Variants in ADCY10 observed in about 807,000 individuals in gnomAD.
ADCY10 encodes adenylate cyclase 10.
In ADCY10, 156 loss-of-function variants were observed where a neutral mutation model predicts 183.3. The ratio of observed to expected loss-of-function variants is 0.85; its 90% CI spans 0.75 to 0.97. The LOEUF (loss-of-function observed/expected upper bound fraction) is 0.97, where lower values mean the gene tolerates loss of function less well. Ranked by LOEUF, ADCY10 falls within the 50% of genes least tolerant of loss-of-function variation. The pLI is 0.00. For missense variants in ADCY10, 1,745 were observed against 1,934.3 expected (o/e 0.90, Z 1.84); for synonymous variants, 645 against 670.0 (o/e 0.96, Z 0.58).
At chr1:167,904,384 T>TCAGCTTTTAAAAACAGGCAGAGGC in intron 2 of ADCY10, among the ~76,000 whole-genome samples, 1 of 152,036 alleles carries the variant, frequency 6.6e-6, no homozygotes, top group East Asian at 1.9e-4. Context: ...CCGAACCCGG[T>TCAGCTTTTAAAAACAGGCAGAGGC]GGCCTCAGCT....
chr1:167,849,760 T>G (rs1665326516), intron 18 of ADCY10, among the ~76,000 whole-genome samples: 1 of 152,128 alleles, frequency 6.6e-6, no homozygotes, highest in Non-Finnish European at 1.5e-5. Flanking sequence ...TCAGACTTGG[T>G]GGATTCAGAA....
chr1:167,819,519 G>A (rs185801459), intron 30 of ADCY10, among the ~76,000 whole-genome samples: 1,722 of 151,848 alleles, frequency 0.011, 24 homozygotes, highest in Non-Finnish European at 0.012. Flanking sequence ...GATTACAGGC[G>A]TGAGCCACTG....
chr1:167,898,671 G>A (rs1669178193), intron 6 of ADCY10, among the ~76,000 whole-genome samples: 1 of 152,098 alleles, frequency 6.6e-6, no homozygotes, highest in South Asian at 2.1e-4. Context: ...GGCCATGCAG[G>A]CTGGATATGT....
At chr1:167,825,763 T>C (rs1313212389) in intron 26 of ADCY10, among the ~76,000 whole-genome samples, 2 of 152,206 alleles carry the variant, frequency 1.3e-5, no homozygotes, top group East Asian at 3.8e-4. Context: ...CACTCCAGCC[T>C]GGGTGACTGA....
At chr1:167,901,839 T>C (rs1204409773) in intron 4 of ADCY10, 34 bp from the exon 5 acceptor site, 33 of 1,614,194 alleles carry the variant, frequency 2.0e-5, no homozygotes, top group Non-Finnish European at 2.8e-5. Flanking sequence ...GCTTTTGACC[T>C]GCCCTGGGGA....
chr1:167,911,213 AAAAGT>A (rs1388740289), intron 1 of ADCY10, among the ~76,000 whole-genome samples: 1 of 152,242 alleles, frequency 6.6e-6, no homozygotes, highest in Non-Finnish European at 1.5e-5. Context: ...TAGAGGTATA[AAAAGT>A]AAAGTAGAGG....
chr1:167,820,435 C>A, intron 30 of ADCY10: 1 of 509,434 alleles, frequency 2.0e-6, no homozygotes. Flanking sequence ...ATTTTTATGC[C>A]CACTAAAGTC....
intron 8 of ADCY10, among the ~76,000 whole-genome samples, chr1:167,884,572 C>T (rs1230103830): frequency 1.3e-5 from 2 of 152,016 alleles, no homozygotes; most frequent in Non-Finnish European, 2.9e-5. Context: ...CTAGGTCTTT[C>T]TCATTCTTTC....
At chr1:167,909,933 ACTG>A (rs1670045003) in intron 1 of ADCY10, among the ~76,000 whole-genome samples, 2 of 148,090 alleles carry the variant, frequency 1.4e-5, no homozygotes, top group Non-Finnish European at 3.0e-5. Context: ...AGCCGGCGCC[ACTG>A]ATGACCAGGT....
chr1:167,904,040 C>G (rs1215198852), intron 2 of ADCY10, 49 bp from the exon 3 acceptor site: 2 of 1,223,256 alleles, frequency 1.6e-6, no homozygotes, highest in Non-Finnish European at 2.4e-6. Flanking sequence ...GGGAATCAAA[C>G]AGAGCCAGAA....
chr1:167,882,354 G>A (rs768013018), intron 9 of ADCY10, among the ~76,000 whole-genome samples: 5 of 151,734 alleles, frequency 3.3e-5, no homozygotes, highest in East Asian at 1.9e-4. Context: ...GTGTGGTGGC[G>A]CATGCCTGTA....
chr1:167,850,892 G>A (rs1490525723), intron 18 of ADCY10, among the ~76,000 whole-genome samples: 1 of 152,030 alleles, frequency 6.6e-6, no homozygotes, highest in East Asian at 1.9e-4. Context: ...AAAACTCCAT[G>A]CCTCATGAAG....
rs542142467 is a variant in ADCY10 at position 167,820,104 on chromosome 1, C to T, written c.4287-1837G>A. ...AATTTGGCTATGGTTGTCCTGACAT[C>T]AACGTTTCCTTTTGGACCATGACTC... On this transcript the variant is annotated intron_variant, in intron 30 of 32. Coordinates refer to ENST00000367851, the MANE Select transcript of ADCY10 (RefSeq NM_018417.6). 3.8e-5 allele frequency: 60 copies of T among 1,568,264 alleles called. No homozygotes were observed. The African/African-American group carries it at 6.9e-4, about 18-fold the overall frequency.
At chr1:167,861,168 G>A in intron 14 of ADCY10, 105 bp from the exon 15 acceptor site, 1 of 990,608 alleles carries the variant, frequency 1.0e-6, no homozygotes, top group Non-Finnish European at 1.5e-6. Flanking sequence ...CAGCTATAAT[G>A]ATGGAGATTT....
intron 25 of ADCY10, among the ~76,000 whole-genome samples, chr1:167,830,382 CAA>C (rs201698835): frequency 0.048 from 4,626 of 95,382 alleles, 127 homozygotes; most frequent in East Asian, 0.18. Flanking sequence ...TTTTAGTTTA[CAA>C]AAAAAAAAAA....
chr1:167,827,189 A>G (rs1203444000), intron 26 of ADCY10, among the ~76,000 whole-genome samples: 1 of 150,938 alleles, frequency 6.6e-6, no homozygotes, highest in East Asian at 1.9e-4. Flanking sequence ...TTTTCCTGAG[A>G]TGGAGTCTTG....
chr1:167,897,433 G>T (rs1374728051), intron 6 of ADCY10, among the ~76,000 whole-genome samples: 4 of 150,528 alleles, frequency 2.7e-5, no homozygotes, highest in African/African-American at 9.8e-5. Flanking sequence ...GGAGTTAGAG[G>T]TTGAAGTGAG....
chr1:167,874,840 TTGAG>T (rs1667341898), intron 13 of ADCY10, among the ~76,000 whole-genome samples: 1 of 152,166 alleles, frequency 6.6e-6, no homozygotes, highest in South Asian at 2.1e-4. Context: ...TAACATACCA[TTGAG>T]TAAGAGAAAG....
chr1:167,895,322 T>C (rs1239806732), intron 7 of ADCY10, among the ~76,000 whole-genome samples: 1 of 152,162 alleles, frequency 6.6e-6, no homozygotes, highest in Non-Finnish European at 1.5e-5. Context: ...CATGAGGCTT[T>C]CTCCTTCATC....
Sources: allele counts gnomAD v4.1 joint callset (sites outside exome capture counted in the v4.1 genomes callset), GRCh38; gene constraint gnomAD v4.1.1; transcripts MANE v1.5; gene names NCBI Gene and HGNC (gene_info 2026-07-23, HGNC 2026-07-21).